SAP130: variants seen among roughly 807,000 people sequenced by gnomAD.
The protein encoded by SAP130 is Sin3A associated protein 130, also known as histone deacetylase complex subunit SAP130.
A neutral mutation model predicts 103.2 loss-of-function variants in SAP130; 16 were observed. The ratio of observed to expected loss-of-function variants is 0.16; its 90% confidence interval spans 0.10 to 0.24. The LOEUF is 0.24. SAP130 is among the 10% of genes least tolerant of loss of function. The probability of loss-of-function intolerance (pLI) is 1.00; values close to 1 mark genes in which losing one functional copy is unlikely to be tolerated. For synonymous variants in SAP130, 477 were observed against 497.0 expected (o/e 0.96, Z 0.53); for missense variants, 990 against 1,359.7 (o/e 0.73, Z 4.28).
intron 7 of SAP130, among the ~76,000 whole-genome samples, chr2:128,009,437 C>T (rs765881265): frequency 1.1e-4 from 17 of 152,180 alleles, no homozygotes; most frequent in Non-Finnish European, 2.4e-4. Context: ...TGCCACTATA[C>T]TCCAGCCTGG....
At chr2:127,945,684 G>T (rs1679029548) in intron 18 of SAP130, 125 bp from the exon 19 acceptor site, 1 of 632,708 alleles carries the variant, frequency 1.6e-6, no homozygotes. Context: ...ACAGTGTCTG[G>T]CTCTGTCACC....
At chr2:127,949,046 A>T (rs1015519261) in intron 18 of SAP130, among the ~76,000 whole-genome samples, 1 of 152,162 alleles carries the variant, frequency 6.6e-6, no homozygotes, top group Non-Finnish European at 1.5e-5. Context: ...GAGGAAGAAA[A>T]GCTGGGAAAT....
intron 2 of SAP130, among the ~76,000 whole-genome samples, chr2:128,020,853 G>A (rs1685102737): frequency 6.6e-6 from 1 of 152,058 alleles, no homozygotes; most frequent in African/African-American, 2.4e-5. Flanking sequence ...AAAATTAGCT[G>A]GGCATGATGG....
chr2:127,983,830 T>TG lies in SAP130; in HGVS notation c.1958+2954_1958+2955insC, dbSNP rs1486754216. On this transcript the variant is annotated intron_variant, in intron 14 of 20. Coordinates refer to ENST00000643581, the MANE Select transcript of SAP130 (RefSeq NM_001330301.2). ...ATTTTCTATTACTTTGTTGTTTTTT[T>TG]TTTTTTTTTTTTTTTTAAACATTTA... Among the ~76,000 whole-genome samples the TG allele has an allele frequency of 4.2e-4, 51 of 122,222 alleles. 1 individual carries two copies. The highest frequency in any genetic ancestry group is 1.0e-3 in the African/African-American group (31 of 30,146). The allele number at this position is 122,222 out of a possible 152,430, so 80.2% of individuals were successfully genotyped here.
chr2:128,019,489 G>T (rs1048553623), intron 2 of SAP130, among the ~76,000 whole-genome samples: 3 of 152,190 alleles, frequency 2.0e-5, no homozygotes, highest in Non-Finnish European at 4.4e-5. Flanking sequence ...GTCTGGTCTT[G>T]AATACCTGGG....
rs1553500423 is a variant in SAP130, at chr2:127,947,764, C to CTGTGTGTGTGTGTG, written c.2797+2091_2797+2104dup. Among the ~76,000 whole-genome samples the CTGTGTGTGTGTGTG allele has an allele frequency of 7.9e-4, 113 of 143,410 alleles. 1 individual carries two copies. Among genetic ancestry groups the CTGTGTGTGTGTGTG allele is most frequent in the African/African-American group, 1.5e-3 (58 of 38,172 alleles). 94.1% of individuals were successfully genotyped at this position (143,410 alleles called of 152,430 possible). On this transcript the variant is annotated intron_variant, in intron 18 of 20. Transcript: ENST00000643581. ...TGAATTAATTTTGTATTGTGTGTGT[C>CTGTGTGTGTGTGTG]TGTGTGTGTGTGTGTGTGTGTGTGT...
chr2:127,954,812 T>G (rs1445542998), intron 16 of SAP130, among the ~76,000 whole-genome samples, 174 bp downstream of exon 16: 1 of 152,220 alleles, frequency 6.6e-6, no homozygotes, highest in Admixed American at 6.5e-5. Context: ...GTTTTACTTT[T>G]CACAATGAGT....
chr2:127,977,707 C>T (rs565033477), intron 15 of SAP130, among the ~76,000 whole-genome samples: 9 of 152,190 alleles, frequency 5.9e-5, no homozygotes, highest in Non-Finnish European at 8.8e-5. Flanking sequence ...TTGAAAAATG[C>T]GTTCAGGTCA....
intron 7 of SAP130, among the ~76,000 whole-genome samples, chr2:128,002,918 G>A (rs1290589771): frequency 6.6e-6 from 1 of 152,126 alleles, no homozygotes; most frequent in Non-Finnish European, 1.5e-5. Context: ...CTTGAGTCCA[G>A]GAGTTCAAGA....
At chr2:128,003,560 C>A (rs1683726616) in intron 7 of SAP130, among the ~76,000 whole-genome samples, 1 of 151,252 alleles carries the variant, frequency 6.6e-6, no homozygotes, top group African/African-American at 2.4e-5. Flanking sequence ...GTGATTCAGC[C>A]TGGGTGACAG....
rs1029188847 is a variant in SAP130 at position 127,949,824 on chromosome 2, C to T, written c.2797+45G>A. On this transcript the variant is annotated intron_variant, in intron 18 of 20. Coordinates refer to ENST00000643581, the MANE Select transcript of SAP130 (RefSeq NM_001330301.2). ...TTCTCTTCTATTTTAATTAAGTTTACACCAATTTCATGCATTAATATCAAG... is the reference window on the plus strand; with the variant it reads ...TTCTCTTCTATTTTAATTAAGTTTATACCAATTTCATGCATTAATATCAAG... The T allele has an allele frequency of 5.7e-6, 9 of 1,590,202 alleles. No homozygotes were observed. The East Asian group carries it at 1.3e-4, about 24-fold the overall frequency.
At chr2:127,960,925 C>A (rs1239936012) in intron 15 of SAP130, among the ~76,000 whole-genome samples, 2 of 151,680 alleles carry the variant, frequency 1.3e-5, no homozygotes, top group Admixed American at 1.3e-4. Flanking sequence ...ATAATAATTT[C>A]TTGTATGACC....
chr2:127,969,715 T>C (rs957886402), intron 15 of SAP130, among the ~76,000 whole-genome samples: 9 of 152,226 alleles, frequency 5.9e-5, no homozygotes, highest in African/African-American at 2.2e-4. Flanking sequence ...CTGGAAATCT[T>C]TGTTATTCCT....
chr2:127,999,928 T>C, intron 9 of SAP130, 83 bp from the exon 10 acceptor site: 1 of 1,431,228 alleles, frequency 7.0e-7, no homozygotes, highest in Admixed American at 2.0e-5. Context: ...GGAAATCTCC[T>C]GGAAAAAGTT....
At chr2:128,012,884 G>T (rs1463861718) in intron 6 of SAP130, 146 bp downstream of exon 6, 5 of 676,186 alleles carry the variant, frequency 7.4e-6, no homozygotes, top group African/African-American at 5.6e-5. Flanking sequence ...CATTCTTACA[G>T]CTTGCCACAT....
At chr2:127,964,493 T>C (rs1680491341) in intron 15 of SAP130, among the ~76,000 whole-genome samples, 1 of 9,006 alleles carries the variant, frequency 1.1e-4, no homozygotes, top group Non-Finnish European at 2.5e-4. Context: ...AAACTCCATC[T>C]CAAAAAAAAA....
At chr2:128,002,203 C>T (rs1467283906) in intron 7 of SAP130, among the ~76,000 whole-genome samples, 1 of 152,166 alleles carries the variant, frequency 6.6e-6, no homozygotes, top group Non-Finnish European at 1.5e-5. Context: ...AGGCATGAGC[C>T]AATGTGCCCG....
chr2:127,998,503 G>A (rs922691382), intron 10 of SAP130, among the ~76,000 whole-genome samples: 2 of 152,168 alleles, frequency 1.3e-5, no homozygotes, highest in Admixed American at 6.5e-5. Flanking sequence ...AAAATCAGTG[G>A]TCTAGGGTTA....
rs369450256 is a variant in SAP130 at position 127,966,294 on chromosome 2, G to A, written c.2064-10950C>T. On this transcript the variant is annotated intron_variant, in intron 15 of 20. Transcript: ENST00000643581. ...TGCGAGGTGGAGGTTGCAGTGAGCCGAGATCGTGCCATTGTACTCCAGCCT... is the reference window on the plus strand; with the variant it reads ...TGCGAGGTGGAGGTTGCAGTGAGCCAAGATCGTGCCATTGTACTCCAGCCT... Among the ~76,000 whole-genome samples the A allele has an allele frequency of 3.3e-4, 50 of 152,160 alleles. No homozygotes were observed. The South Asian group carries it at 6.0e-3, about 18-fold the overall frequency.
Sources: allele counts gnomAD v4.1 joint callset (sites outside exome capture counted in the v4.1 genomes callset), GRCh38; gene constraint gnomAD v4.1.1; transcripts MANE v1.5; gene names NCBI Gene and HGNC (gene_info 2026-07-23, HGNC 2026-07-21).